TMEM79: variants seen among roughly 807,000 people sequenced by gnomAD.
TMEM79 encodes transmembrane protein 79, also known as mattrin.
A neutral mutation model predicts 31.2 loss-of-function variants in TMEM79; 30 were observed. That is an observed-to-expected ratio of 0.96 (90% CI 0.72 to 1.30). The LOEUF (loss-of-function observed/expected upper bound fraction) is 1.30, where lower values mean the gene tolerates loss of function less well. TMEM79 is among the 50% of genes most tolerant of loss of function. The probability of loss-of-function intolerance (pLI) is 0.00; values close to 1 mark genes in which losing one functional copy is unlikely to be tolerated. For synonymous variants in TMEM79, 213 were observed against 229.5 expected (o/e 0.93, Z 0.65); for missense variants, 509 against 528.2 (o/e 0.96, Z 0.36).
rs765323070 is a variant in TMEM79 at position 156,285,763 on chromosome 1, G to A, written c.537G>A (p.Val179=). Residue 179 remains valine (V), a synonymous_variant, in exon 2 of 4, where the codon GTG becomes GTA. Transcript: ENST00000405535. ...AGCGCAAGTGGGCTGAGGCAGTGGT[G>A]AGGCCGCCTGGCTGTTCCTGTGGGG... ...PTERKWAEAV[V]RPPGCSCGGC... 6.2e-7 allele frequency: 1 copy of A among 1,613,368 alleles called. No individual in the cohort carries two copies. The highest frequency in any genetic ancestry group is 8.5e-7 in the Non-Finnish European group (1 of 1,179,968).
At position 156,285,836 on chromosome 1, in the gene TMEM79, G is replaced by A. The variant is rs750729853; in HGVS notation, c.610G>A (p.Val204Met). The change falls in exon 2 of 4, where the codon GTG (valine) becomes ATG (methionine). Residue 204 changes from valine to methionine, a missense_variant. Val to Met is a conservative substitution (Grantham distance 21, BLOSUM62 1). Transcript: ENST00000405535. ...TGAGTGGCTAAGGGCTGTGGCCTCC[G>A]TGGGAGCCGCACTCATTCTCTTCCC... ...DREWLRAVAS[V>M]GAALILFPCL... The A allele has an allele frequency of 5.8e-5, 93 of 1,613,534 alleles. No homozygotes were observed. The highest frequency in any genetic ancestry group is 7.3e-5 in the Non-Finnish European group (86 of 1,180,032).
Position 156,286,307 on chromosome 1 carries a change from C to T in TMEM79, c.805C>T (p.Pro269Ser). ...LSLLCFSALR[P>S]FGEPRREVEI... ...CCTGTTATGCTTTTCTGCCCTTCGG[C>T]CCTTTGGGGAGCCACGGCGGGAGGT... The change falls in exon 3 of 4, where the codon CCC becomes TCC. Residue 269 changes from proline (P) to serine (S), a missense_variant. By Grantham distance (74) the Pro-to-Ser change is moderately conservative (BLOSUM62 -1). Coordinates refer to ENST00000405535, the MANE Select transcript of TMEM79 (RefSeq NM_032323.3). 6.2e-7 allele frequency: 1 copy of T among 1,614,262 alleles called. No individual in the cohort carries two copies. Among genetic ancestry groups the T allele is most frequent in the Non-Finnish European group, 8.5e-7 (1 of 1,180,044 alleles).
rs763741159 is a variant in TMEM79, at chr1:156,285,641, C to T, written c.415C>T (p.Arg139Trp). 9 of 1,613,880 alleles carry T rather than the reference C, an allele frequency of 5.6e-6. No individual in the cohort carries two copies. In the East Asian group the frequency reaches 8.9e-5, roughly 16 times the overall value. The change falls in exon 2 of 4, where the codon CGG (arginine) becomes TGG (tryptophan). Residue 139 changes from arginine to tryptophan, a missense_variant. By Grantham distance (101) the Arg-to-Trp change is moderately radical (BLOSUM62 -3). Coordinates refer to ENST00000405535, the MANE Select transcript of TMEM79 (RefSeq NM_032323.3). ...FVPIDLQCIERQPQEDLIVRC... is the reference protein window; with the variant it reads ...FVPIDLQCIEWQPQEDLIVRC... ...GCCTATTGACCTACAGTGCATTGAG[C>T]GGCAGCCCCAAGAAGACCTTATCGT...
chr1:156,291,575 T>C lies in TMEM79; in HGVS notation c.1162T>C (p.Tyr388His), dbSNP rs1024273432. The C allele has an allele frequency of 6.2e-7, 1 of 1,611,058 alleles. No individual in the cohort carries two copies. Among genetic ancestry groups the C allele is most frequent in the Non-Finnish European group, 8.5e-7 (1 of 1,179,930 alleles). Residue 388 changes from tyrosine (Y) to histidine (H), a missense_variant, in exon 4 of 4, where the codon TAC (tyrosine) becomes CAC (histidine). Coordinates refer to ENST00000405535, the MANE Select transcript of TMEM79 (RefSeq NM_032323.3). ...YPDHARSASDYRPRPWG is the reference protein window; with the variant it reads ...YPDHARSASDHRPRPWG ...GGACCACGCCCGCTCGGCCTCCGAC[T>C]ACAGGCCCCGCCCCTGGGGCTGAGC...
At chr1:156,284,088 T>G (rs1663075819), upstream of TMEM79, among the ~76,000 whole-genome samples, 1 of 152,216 alleles carries the variant, frequency 6.6e-6, no homozygotes, top group Admixed American at 6.5e-5. Flanking sequence ...AATCCACTTT[T>G]CTCCCTCTGC....
In TMEM79 at chr1:156,285,569, G is replaced by A. The variant is rs151038552; in HGVS notation, c.343G>A (p.Glu115Lys). 8.1e-6 allele frequency: 13 copies of A among 1,614,098 alleles called. No individual in the cohort carries two copies. In the African/African-American group the frequency reaches 9.3e-5, roughly 12 times the overall value. The change falls in exon 2 of 4, where the codon GAA (glutamate) becomes AAA (lysine). Residue 115 changes from glutamate (E) to lysine (K), a missense_variant. Glu to Lys is a moderately conservative substitution (Grantham distance 56, BLOSUM62 1). Transcript: ENST00000405535. ...EPLTKLEELP[E>K]DDANLLPEKA... is the part of the protein sequence containing the mutation. ...ACTTACCAAGCTAGAGGAGCTGCCC[G>A]AAGACGATGCCAACCTGCTGCCTGA...
Position 156,291,726 on chromosome 1 carries a change from C to T in TMEM79, c.*128C>T. On this transcript the variant is annotated 3_prime_UTR_variant, in exon 4 of 4. Transcript: ENST00000405535. ...CGGTGGGTGGAACCCTGCTACTGCCCCAACAGGGACTCCAATCAATCGGAG... is the reference window on the plus strand; with the variant it reads ...CGGTGGGTGGAACCCTGCTACTGCCTCAACAGGGACTCCAATCAATCGGAG... The T allele has an allele frequency of 1.3e-6, 1 of 757,344 alleles. No individual in the cohort carries two copies. The highest frequency in any genetic ancestry group is 1.6e-5 in the South Asian group (1 of 63,708). 46.9% of individuals were successfully genotyped at this position (757,344 alleles called of 1,614,324 possible).
chr1:156,283,192 C>A, upstream of TMEM79: 1 of 218,644 alleles, frequency 4.6e-6, no homozygotes, highest in Non-Finnish European at 8.9e-6. Context: ...GTGACTCCAG[C>A]TTTCCCTTTT....
At position 156,285,896 on chromosome 1, in the gene TMEM79, T is replaced by G. The variant is rs1313034957; in HGVS notation, c.670T>G (p.Phe224Val). 6.2e-7 allele frequency: 1 copy of G among 1,613,970 alleles called. No homozygotes were observed. Among genetic ancestry groups the G allele is most frequent in the Non-Finnish European group, 8.5e-7 (1 of 1,179,982 alleles). ...ATACGGGGCATATGCCTTCCTGCCGTTTGATGTCCCACGGCTGCCCACCAT... is the reference window on the plus strand; with the variant it reads ...ATACGGGGCATATGCCTTCCTGCCGGTTGATGTCCCACGGCTGCCCACCAT... ...LLYGAYAFLPFDVPRLPTMSS... is the reference protein window; with the variant it reads ...LLYGAYAFLPVDVPRLPTMSS... The change falls in exon 2 of 4, where the codon TTT becomes GTT. Residue 224 changes from phenylalanine to valine, a missense_variant. By Grantham distance (50) the Phe-to-Val change is conservative (BLOSUM62 -1). Transcript: ENST00000405535.
chr1:156,287,143 G>A (rs1663190983), intron 3 of TMEM79, among the ~76,000 whole-genome samples: 1 of 152,048 alleles, frequency 6.6e-6, no homozygotes, highest in Non-Finnish European at 1.5e-5. Flanking sequence ...ATAGCCGGGT[G>A]TAGTGGCTCA....
rs1299378897 is a variant in TMEM79 at position 156,286,420 on chromosome 1, C to T, written c.918C>T (p.Pro306=). 9 of 1,614,078 alleles carry T rather than the reference C, an allele frequency of 5.6e-6. No individual in the cohort carries two copies. The highest frequency in any genetic ancestry group is 1.6e-4 in the Middle Eastern group (1 of 6,084). ...TGGCCGTGCTTTCCACTTACCTGCC[C>T]CAGGATACCCTCAAACTGCTCCCTC... ...FNLAVLSTYL[P]QDTLKLLPLL... is the part of the protein sequence containing the mutation. The change falls in exon 3 of 4, where the codon CCC becomes CCT. Residue 306 remains proline, a synonymous_variant. Transcript: ENST00000405535.
rs767436591 is a variant in TMEM79, at chr1:156,285,712, C to T, written c.486C>T (p.Pro162=). Residue 162 remains proline (P), a synonymous_variant, in exon 2 of 4, where the codon CCC becomes CCT. Coordinates refer to ENST00000405535, the MANE Select transcript of TMEM79 (RefSeq NM_032323.3). Reference sequence around the variant, plus strand: ...GCGAGTGCCGAACCTTCATGCCCCCCCGGGTCACCCACCCCGACCCCACTG... The same window carrying T: ...GCGAGTGCCGAACCTTCATGCCCCCTCGGGTCACCCACCCCGACCCCACTG... ...GEGECRTFMP[P]RVTHPDPTER... The T allele has an allele frequency of 6.2e-7, 1 of 1,613,384 alleles. No homozygotes were observed. The highest frequency in any genetic ancestry group is 1.3e-5 in the African/African-American group (1 of 75,066).
At chr1:156,289,988 G>A (rs1663271180) in intron 3 of TMEM79, 1 of 152,184 alleles carries the variant, frequency 6.6e-6, no homozygotes, top group African/African-American at 2.4e-5. Flanking sequence ...TCATGGCTTT[G>A]CTATTTCCCA....
chr1:156,291,433 C>T lies in TMEM79; in HGVS notation c.1020C>T (p.Phe340=), dbSNP rs1177506610. 1.2e-6 allele frequency: 2 copies of T among 1,614,036 alleles called. No individual in the cohort carries two copies. Among genetic ancestry groups the T allele is most frequent in the Non-Finnish European group, 8.5e-7 (1 of 1,180,034 alleles). The change falls in exon 4 of 4, where the codon TTC becomes TTT. Residue 340 remains phenylalanine, a synonymous_variant. Transcript: ENST00000405535. ...CCGTGGGCCGCTCCTTCCGAGGCTT[C>T]GGCTACGGCCTGACGTTTCTGCCAC... ...TFAVGRSFRG[F]GYGLTFLPLL... is the part of the protein sequence containing the mutation.
At chr1:156,288,752 G>T (rs1473520721) in intron 3 of TMEM79, among the ~76,000 whole-genome samples, 2 of 152,168 alleles carry the variant, frequency 1.3e-5, no homozygotes, top group African/African-American at 4.8e-5. Context: ...GCAGTCAGTT[G>T]TCCCACCAGC....
Position 156,291,491 on chromosome 1 carries a change from AT to A in TMEM79, c.1079del (p.Met360SerfsTer47). ...GATGCTGATGTGGAACCTCTACTAC[AT>A]GTTCGTGGTGGAGCCGGAGCGCATG... ...LSMLMWNLYY[M>X]FVVEPERMLT... On this transcript the variant is annotated frameshift_variant, in exon 4 of 4. Transcript: ENST00000405535. LOFTEE classifies it high-confidence loss of function. 1 of 1,612,438 alleles carries A rather than the reference AT, an allele frequency of 6.2e-7. No homozygotes were observed. The highest frequency in any genetic ancestry group is 1.1e-5 in the South Asian group (1 of 91,044).
chr1:156,288,330 C>A (rs1349407328), intron 3 of TMEM79, among the ~76,000 whole-genome samples: 1 of 148,302 alleles, frequency 6.7e-6, no homozygotes, highest in African/African-American at 2.5e-5. Context: ...GCTCTTGTTA[C>A]TTTTTTTTTC....
chr1:156,286,159 G>C, intron 2 of TMEM79, 101 bp from the exon 3 acceptor site: 2 of 1,386,658 alleles, frequency 1.4e-6, no homozygotes, highest in Non-Finnish European at 2.0e-6. Flanking sequence ...CCACTGTGTA[G>C]AGCCCATGCA....
At position 156,286,455 on chromosome 1, in the gene TMEM79, G is replaced by A; in HGVS notation, c.953G>A (p.Gly318Asp). 7 of 1,614,124 alleles carry A rather than the reference G, an allele frequency of 4.3e-6. No homozygotes were observed. Among genetic ancestry groups the A allele is most frequent in the Non-Finnish European group, 5.9e-6 (7 of 1,180,008 alleles). ...DTLKLLPLLT[G>D]LFAVSRLIYW... ...CTCAAACTGCTCCCTCTGCTCACTG[G>A]TCTCTTTGCCGTCTCCCGGTAAGTT... Residue 318 changes from glycine to aspartate, a missense_variant, in exon 3 of 4, where the codon GGT (glycine) becomes GAT (aspartate). Transcript: ENST00000405535.
Sources: gnomAD v4.1 joint callset for allele counts (sites outside exome capture counted in the v4.1 genomes callset) on GRCh38, gnomAD v4.1.1 for gene constraint, MANE v1.5 for transcripts, NCBI Gene and HGNC (gene_info 2026-07-23, HGNC 2026-07-21) for gene names.